KCNJ6: variants seen among roughly 807,000 people sequenced by gnomAD.
The protein encoded by KCNJ6 is potassium inwardly rectifying channel subfamily J member 6.
In KCNJ6, 9 loss-of-function variants were observed where a neutral mutation model predicts 34.2. That is an observed-to-expected ratio of 0.26 (90% CI 0.16 to 0.46). The LOEUF (loss-of-function observed/expected upper bound fraction) is 0.46, where lower values mean the gene tolerates loss of function less well. Among genes scored for constraint, KCNJ6 ranks in the 20% least tolerant of loss-of-function variants. The pLI is 1.00. For synonymous variants in KCNJ6, 196 were observed against 207.1 expected (o/e 0.95, Z 0.46); for missense variants, 236 against 531.3 (o/e 0.44, Z 5.46).
At chr21:37,740,166 A>C (rs574478446) in intron 2 of KCNJ6, among the ~76,000 whole-genome samples, 1 of 152,168 alleles carries the variant, frequency 6.6e-6, no homozygotes, top group Non-Finnish European at 1.5e-5. Flanking sequence ...ACGCCCCCCA[A>C]CCATCTGAGT....
chr21:37,630,134 C>CTG lies in KCNJ6; in HGVS notation c.947-4652_947-4651dup, dbSNP rs10527592. Among the ~76,000 whole-genome samples the CTG allele has an allele frequency of 3.6e-3, 513 of 144,240 alleles. 4 individuals are homozygous for CTG. Among genetic ancestry groups the CTG allele is most frequent in the South Asian group, 9.5e-3 (41 of 4,326 alleles). The allele number at this position is 144,240 out of a possible 152,430, so 94.6% of individuals were successfully genotyped here. On this transcript the variant is annotated intron_variant, in intron 3 of 3. Coordinates refer to ENST00000609713, the MANE Select transcript of KCNJ6 (RefSeq NM_002240.5). ...AGGCAGAACTGCCAAGATGACATCT[C>CTG]TGTGTGTGTGTGTGTGTGTGTGTGG...
chr21:37,825,156 T>C (rs1036981287), intron 2 of KCNJ6, among the ~76,000 whole-genome samples: 12 of 152,330 alleles, frequency 7.9e-5, no homozygotes, highest in Admixed American at 7.8e-4. Flanking sequence ...TGCTGAGATT[T>C]TTGGCCATAT....
At chr21:37,816,314 G>A (rs1339934805) in intron 2 of KCNJ6, among the ~76,000 whole-genome samples, 2 of 152,198 alleles carry the variant, frequency 1.3e-5, no homozygotes, top group Non-Finnish European at 2.9e-5. Flanking sequence ...AAAATCCCTA[G>A]TAGGGCATCT....
At chr21:37,747,675 T>G (rs2054974331) in intron 2 of KCNJ6, among the ~76,000 whole-genome samples, 1 of 151,780 alleles carries the variant, frequency 6.6e-6, no homozygotes, top group African/African-American at 2.4e-5. Flanking sequence ...TGAGAAGGAC[T>G]CAGCCCATGG....
In KCNJ6 at chr21:37,614,147, A is replaced by G. The variant is rs1032355346; in HGVS notation, c.*11012T>C. The G allele has an allele frequency of 5.3e-5, 8 of 152,328 alleles. No individual in the cohort carries two copies. The highest frequency in any genetic ancestry group is 1.9e-4 in the African/African-American group (8 of 41,564). The allele number at this position is 152,328 out of a possible 1,614,324, so 9.4% of individuals were successfully genotyped here. On this transcript the variant is annotated 3_prime_UTR_variant, in exon 4 of 4. Transcript: ENST00000609713. ...AGTGAAATGATATACCCAGGACGAC[A>G]TTGCTCATCTGGGGGCAAAACCTGG... is the stretch of plus-strand genomic sequence containing the variant.
chr21:37,794,519 C>G (rs914329046), intron 2 of KCNJ6, among the ~76,000 whole-genome samples: 1 of 152,186 alleles, frequency 6.6e-6, no homozygotes, highest in Non-Finnish European at 1.5e-5. Context: ...AGTTCTTTAT[C>G]GTTACACATG....
At chr21:37,740,998 C>A (rs142684885) in intron 2 of KCNJ6, among the ~76,000 whole-genome samples, 1 of 152,330 alleles carries the variant, frequency 6.6e-6, no homozygotes, top group Non-Finnish European at 1.5e-5. Context: ...TTGTCTTCAG[C>A]CTCTTTTTCT....
At chr21:37,764,528 G>A (rs930942544) in intron 2 of KCNJ6, among the ~76,000 whole-genome samples, 4 of 152,052 alleles carry the variant, frequency 2.6e-5, no homozygotes, top group East Asian at 1.9e-4. Context: ...ACAGGCGTGC[G>A]CCACCATGCC....
chr21:37,815,348 G>A (rs1294431985), intron 2 of KCNJ6, among the ~76,000 whole-genome samples: 1 of 152,200 alleles, frequency 6.6e-6, no homozygotes, highest in Non-Finnish European at 1.5e-5. Flanking sequence ...ATTATGCATT[G>A]CATGCCTGTG....
At chr21:37,878,606 A>G (rs960871964) in intron 1 of KCNJ6, among the ~76,000 whole-genome samples, 2 of 152,238 alleles carry the variant, frequency 1.3e-5, no homozygotes, top group Non-Finnish European at 2.9e-5. Context: ...ATGAGGCCTT[A>G]CCAGCACCAG....
In KCNJ6 at chr21:37,868,276, C is replaced by T. The variant is rs149468596; in HGVS notation, c.-27-27567G>A. Among the ~76,000 whole-genome samples, 7 of 152,250 alleles carry T rather than the reference C, an allele frequency of 4.6e-5. No homozygotes were observed. In the East Asian group the frequency reaches 1.2e-3, roughly 25 times the overall value. The stretch of plus-strand genomic sequence containing the variant: ...GAGATCATTACTGCAAAGTTTAGGG[C>T]AAGTTGTATGAGATCTGCGATTACA... On this transcript the variant is annotated intron_variant, in intron 1 of 3. Coordinates refer to ENST00000609713, the MANE Select transcript of KCNJ6 (RefSeq NM_002240.5).
In KCNJ6 at chr21:37,714,688, A is replaced by G; in HGVS notation, c.469T>C (p.Tyr157His). ...GGGCATTTATCTGTGATGACCCGGT[A>G]GCCATAACCAATGGTGGTTTCTGTC... ...IETETTIGYG[Y>H]RVITDKCPEG... The change falls in exon 3 of 4, where the codon TAC (tyrosine) becomes CAC (histidine). Residue 157 changes from tyrosine (Y) to histidine (H), a missense_variant. Tyr to His is a moderately conservative substitution (Grantham distance 83). This residue lies in a region of KCNJ6 where 68 missense variants were observed against 165.7 expected (regional missense o/e 0.41). Transcript: ENST00000609713. The surrounding 1 kb of genome is among the most constrained non-coding windows in gnomAD (Gnocchi z 5.9). 1 of 1,614,164 alleles carries G rather than the reference A, an allele frequency of 6.2e-7. No homozygotes were observed. Among genetic ancestry groups the G allele is most frequent in the Non-Finnish European group, 8.5e-7 (1 of 1,180,004 alleles).
At chr21:37,761,800 T>C (rs536212109) in intron 2 of KCNJ6, among the ~76,000 whole-genome samples, 1 of 152,178 alleles carries the variant, frequency 6.6e-6, no homozygotes, top group African/African-American at 2.4e-5. Context: ...TGTGCATATG[T>C]TGTGTATAGT....
chr21:37,674,131 C>T (rs976757423), intron 3 of KCNJ6, among the ~76,000 whole-genome samples: 1 of 152,186 alleles, frequency 6.6e-6, no homozygotes, highest in African/African-American at 2.4e-5. Flanking sequence ...CGGAACTCAA[C>T]GGCATCTTTT....
intron 3 of KCNJ6, among the ~76,000 whole-genome samples, chr21:37,632,078 T>G (rs2054336099): frequency 1.3e-5 from 2 of 151,588 alleles, no homozygotes; most frequent in African/African-American, 4.8e-5. Flanking sequence ...GAGAAAGAAG[T>G]ATCAGAAAAG....
At chr21:37,895,068 C>T (rs2055781291) in intron 1 of KCNJ6, among the ~76,000 whole-genome samples, 1 of 152,200 alleles carries the variant, frequency 6.6e-6, no homozygotes, top group Admixed American at 6.5e-5. Flanking sequence ...TCATTGTGCC[C>T]AGCTCCATAT....
In KCNJ6 at chr21:37,651,950, A is replaced by G. The variant is rs143894311; in HGVS notation, c.947-26466T>C. Among the ~76,000 whole-genome samples the G allele has an allele frequency of 1.6e-3, 239 of 152,320 alleles. 1 individual carries two copies. Among genetic ancestry groups the G allele is most frequent in the African/African-American group, 5.3e-3 (221 of 41,556 alleles). ...CTTACTGACCCACTGATTTTACTCC[A>G]TATCTCTTTAGGATGAGTCTTTAGG... On this transcript the variant is annotated intron_variant, in intron 3 of 3. Coordinates refer to ENST00000609713, the MANE Select transcript of KCNJ6 (RefSeq NM_002240.5).
intron 3 of KCNJ6, among the ~76,000 whole-genome samples, chr21:37,701,650 T>C (rs969247546): frequency 6.6e-6 from 1 of 152,130 alleles, no homozygotes; most frequent in African/African-American, 2.4e-5. Context: ...AATGACATAA[T>C]GTCAGCTGGC....
chr21:37,770,805 G>A lies in KCNJ6; in HGVS notation c.26-55674C>T, dbSNP rs1426916169. On this transcript the variant is annotated intron_variant, in intron 2 of 3. Coordinates refer to ENST00000609713, the MANE Select transcript of KCNJ6 (RefSeq NM_002240.5). ...TAGTTATATTTTTTCCTATTTTGAG[G>A]GGATATATTTGTATATATATGTTTT... 2.0e-5 allele frequency among the ~76,000 whole-genome samples: 3 copies of A among 151,896 alleles called. No homozygotes were observed. In the South Asian group the frequency reaches 6.2e-4, roughly 32 times the overall value.
Sources: gnomAD v4.1 joint callset for allele counts (sites outside exome capture counted in the v4.1 genomes callset) on GRCh38, gnomAD v4.1.1 for gene constraint, gnomAD v4.1.1 regional missense constraint, Gnocchi (gnomAD v3.1) non-coding constraint, MANE v1.5 for transcripts, NCBI Gene and HGNC (gene_info 2026-07-23, HGNC 2026-07-21) for gene names.